SAMMSON: variants seen among roughly 807,000 people sequenced by gnomAD.
The protein encoded by SAMMSON is survival associated mitochondrial melanoma specific oncogenic non-coding RNA.
intron 3 of SAMMSON, among the ~76,000 whole-genome samples, chr3:70,016,721 T>C (rs1182980894): frequency 6.6e-6 from 1 of 152,210 alleles, no homozygotes; most frequent in Admixed American, 6.5e-5. Context: ...TGGTTTTAGG[T>C]CTAACATGTA....
intron 3 of SAMMSON, among the ~76,000 whole-genome samples, chr3:70,061,584 C>T (rs1373499169): frequency 3.3e-5 from 5 of 152,082 alleles, no homozygotes; most frequent in African/African-American, 4.8e-5. Context: ...CATGATGTCT[C>T]CAGTTTGCCT....
In SAMMSON at chr3:70,158,924, C is replaced by T. The variant is rs146060966; in HGVS notation, n.507+87359C>T. 3.9e-5 allele frequency among the ~76,000 whole-genome samples: 6 copies of T among 152,066 alleles called. No individual in the cohort carries two copies. In the East Asian group the frequency reaches 1.2e-3, roughly 29 times the overall value. ...ATAATTTCCTTTTAATTGTAGGCAACTTGTAAAAATTTCCTCTATATATTT... is the reference window on the plus strand; with the variant it reads ...ATAATTTCCTTTTAATTGTAGGCAATTTGTAAAAATTTCCTCTATATATTT... On this transcript the variant is annotated intron_variant and non_coding_transcript_variant, in intron 4 of 9. Transcript: ENST00000642114.
intron 2 of SAMMSON, among the ~76,000 whole-genome samples, chr3:70,415,251 C>T (rs1296646915): frequency 6.6e-6 from 1 of 152,156 alleles, no homozygotes; most frequent in African/African-American, 2.4e-5. Flanking sequence ...GTCATCTTCG[C>T]ATCTTCTGTC....
chr3:70,070,510 T>G (rs1354457549), intron 3 of SAMMSON, among the ~76,000 whole-genome samples: 1 of 152,030 alleles, frequency 6.6e-6, no homozygotes, highest in African/African-American at 2.4e-5. Context: ...GCCAAATATC[T>G]TACTCTTTTA....
intron 6 of SAMMSON, among the ~76,000 whole-genome samples, chr3:70,264,597 A>G (rs1292922464): frequency 6.6e-6 from 1 of 152,254 alleles, no homozygotes; most frequent in Non-Finnish European, 1.5e-5. Context: ...CAGGCCATAT[A>G]CTAAGTCACT....
rs538568681 is a variant in SAMMSON at position 70,019,410 on chromosome 3, C to G, written n.417+5738C>G. 4.6e-5 allele frequency among the ~76,000 whole-genome samples: 7 copies of G among 152,190 alleles called. No homozygotes were observed. In the East Asian group the frequency reaches 1.4e-3, roughly 29 times the overall value. Reference sequence around the variant, plus strand: ...TCAGAGACTAGGATTGCAACCCCTGCCTTTTTTTGTTTTACATTTGCTTGG... The same window carrying G: ...TCAGAGACTAGGATTGCAACCCCTGGCTTTTTTTGTTTTACATTTGCTTGG... On this transcript the variant is annotated intron_variant and non_coding_transcript_variant, in intron 3 of 9. Transcript: ENST00000642114.
chr3:70,263,387 C>G (rs1227055503), intron 6 of SAMMSON, among the ~76,000 whole-genome samples: 1 of 152,062 alleles, frequency 6.6e-6, no homozygotes, highest in Admixed American at 6.6e-5. Flanking sequence ...TAGGGTAGGT[C>G]TATAGGAATA....
intron 6 of SAMMSON, among the ~76,000 whole-genome samples, chr3:70,285,059 T>A (rs1257342257): frequency 6.6e-6 from 1 of 152,050 alleles, no homozygotes; most frequent in African/African-American, 2.4e-5. Flanking sequence ...TAACTTTTTT[T>A]TTCTTTTATT....
intron 2 of SAMMSON, among the ~76,000 whole-genome samples, chr3:70,407,616 G>T (rs1401383675): frequency 6.6e-6 from 1 of 152,218 alleles, no homozygotes; most frequent in Non-Finnish European, 1.5e-5. Flanking sequence ...GGAAGAGGTG[G>T]GTTCCCATGG....
intron 6 of SAMMSON, among the ~76,000 whole-genome samples, chr3:70,281,911 A>G (rs557000788): frequency 2.1e-4 from 32 of 152,196 alleles, no homozygotes; most frequent in Non-Finnish European, 4.1e-4. Flanking sequence ...AGTTTTAAAA[A>G]GCATCTTGGG....
rs560805398 is a variant in SAMMSON at position 70,148,847 on chromosome 3, A to C, written n.507+77282A>C. 2.0e-5 allele frequency among the ~76,000 whole-genome samples: 3 copies of C among 152,196 alleles called. No individual in the cohort carries two copies. In the South Asian group the frequency reaches 6.2e-4, roughly 32 times the overall value. The stretch of plus-strand genomic sequence containing the variant: ...ATTTCAACTTGAGGATTGGGGGAAC[A>C]AATATCCAAATGATAGCATGATTCC... On this transcript the variant is annotated intron_variant and non_coding_transcript_variant, in intron 4 of 9. Transcript: ENST00000642114.
At chr3:70,238,653 G>A (rs1701636359) in intron 4 of SAMMSON, among the ~76,000 whole-genome samples, 1 of 151,890 alleles carries the variant, frequency 6.6e-6, no homozygotes, top group Non-Finnish European at 1.5e-5. Flanking sequence ...ACCCCCAAAA[G>A]GGGGCCAAGA....
intron 4 of SAMMSON, among the ~76,000 whole-genome samples, chr3:70,087,352 G>T (rs995672038): frequency 6.6e-6 from 1 of 152,182 alleles, no homozygotes; most frequent in Non-Finnish European, 1.5e-5. Flanking sequence ...AGATACAAAT[G>T]TATATTTTTG....
At chr3:70,372,031 T>C (rs1245599290) in intron 9 of SAMMSON, among the ~76,000 whole-genome samples, 2 of 152,028 alleles carry the variant, frequency 1.3e-5, no homozygotes, top group East Asian at 3.9e-4. Context: ...CTGTTGAGAG[T>C]TTTTGTCATA....
At chr3:70,361,600 C>G (rs562304551) in intron 9 of SAMMSON, among the ~76,000 whole-genome samples, 15 of 152,276 alleles carry the variant, frequency 9.9e-5, no homozygotes, top group African/African-American at 3.6e-4. Context: ...GACACTTTTC[C>G]CTTTCTTGGC....
chr3:70,330,329 TA>T (rs1368065679), intron 7 of SAMMSON, among the ~76,000 whole-genome samples: 8 of 152,020 alleles, frequency 5.3e-5, no homozygotes, highest in Admixed American at 5.2e-4. Context: ...TAATTAGTTA[TA>T]AAACTTTGAG....
chr3:70,250,409 TCTCACACACACACACACACACA>T (rs1303797876), intron 6 of SAMMSON, among the ~76,000 whole-genome samples: 1 of 126,220 alleles, frequency 7.9e-6, no homozygotes, highest in Non-Finnish European at 1.7e-5. Flanking sequence ...TTTTAATGAA[TCTCACACACACACACACACACA>T]CACACACACA....
chr3:70,037,261 C>G (rs1285991162), intron 3 of SAMMSON, among the ~76,000 whole-genome samples: 6 of 152,050 alleles, frequency 3.9e-5, no homozygotes, highest in African/African-American at 1.2e-4. Flanking sequence ...ACTGTCCTTC[C>G]CCTCTGGCTT....
chr3:70,274,917 A>T (rs773630401), intron 6 of SAMMSON, among the ~76,000 whole-genome samples: 1 of 152,200 alleles, frequency 6.6e-6, no homozygotes, highest in Non-Finnish European at 1.5e-5. Flanking sequence ...GATCTTTATT[A>T]GTTTGGCAAA....
Sources: allele counts gnomAD v4.1 joint callset (sites outside exome capture counted in the v4.1 genomes callset), GRCh38; gene constraint gnomAD v4.1.1; transcripts MANE v1.5; gene names NCBI Gene and HGNC (gene_info 2026-07-23, HGNC 2026-07-21).